KALRN: variants seen among roughly 807,000 people sequenced by gnomAD.
KALRN encodes kalirin.
KALRN carries 70 observed loss-of-function variants against 353.7 expected under a neutral mutation model. That is an observed-to-expected ratio of 0.20 (90% CI 0.16 to 0.24). The LOEUF is 0.24. Ranked by LOEUF, KALRN falls within the 10% of genes least tolerant of loss-of-function variation. The pLI is 1.00. For missense variants in KALRN, 2,791 were observed against 3,756.7 expected, an observed-to-expected ratio of 0.74 and a Z score of 6.72; for synonymous variants, 1,391 against 1,434.8, an observed-to-expected ratio of 0.97 and a Z score of 0.69.
rs1458141208 is a variant in KALRN, at chr3:124,398,726, C to A, written c.2201C>A (p.Pro734His). The A allele has an allele frequency of 1.2e-6, 2 of 1,614,150 alleles. No individual in the cohort carries two copies. The highest frequency in any genetic ancestry group is 2.2e-5 in the South Asian group (2 of 91,086). Residue 734 changes from proline to histidine, a missense_variant, in exon 13 of 60, where the codon CCC becomes CAC. Physicochemically the swap from Pro to His is moderately conservative, Grantham distance 77. Around this residue, in one of 11 missense-constraint regions of KALRN, gnomAD observed 452 missense variants for 575.8 expected, o/e 0.78. Transcript: ENST00000682506. Reference protein sequence around the residue: ...RDSAVSNNKTPHSSSISHIES... With the variant: ...RDSAVSNNKTHHSSSISHIES... ...TCGGCTGTGTCCAACAACAAAACAC[C>A]CCACAGCAGCTCCATCAGCCACATC...
At chr3:124,265,236 T>G (rs564674565) in intron 4 of KALRN, among the ~76,000 whole-genome samples, 4 of 151,864 alleles carry the variant, frequency 2.6e-5, no homozygotes, top group African/African-American at 9.7e-5. Context: ...TATTGAATAC[T>G]AGAACTTATT....
intron 34 of KALRN, among the ~76,000 whole-genome samples, chr3:124,607,274 G>T (rs1267611278): frequency 6.6e-6 from 1 of 151,146 alleles, no homozygotes; most frequent in African/African-American, 2.4e-5. Flanking sequence ...TTGTTAAATG[G>T]GAAAAAATCC....
At chr3:124,301,677 C>A (rs919897415) in intron 6 of KALRN, among the ~76,000 whole-genome samples, 1 of 152,196 alleles carries the variant, frequency 6.6e-6, no homozygotes, top group African/African-American at 2.4e-5. Context: ...GATTCCTTTT[C>A]TCTGGCCTGG....
rs371217349 is a variant in KALRN at position 124,633,591 on chromosome 3, G to A, written c.5467-261G>A. On this transcript the variant is annotated intron_variant, in intron 35 of 59. Coordinates refer to ENST00000682506, the MANE Select transcript of KALRN (RefSeq NM_001388419.1). ...ACTACTTCCAGCTTTTTCTTTTCTT[G>A]CTAATCGATAAGATAGATAGTTTCT... Among the ~76,000 whole-genome samples, 23 of 151,968 alleles carry A rather than the reference G, an allele frequency of 1.5e-4. No individual in the cohort carries two copies. The South Asian group carries it at 4.8e-3, about 32-fold the overall frequency.
At chr3:124,161,198 A>T (rs997773771) in intron 1 of KALRN, among the ~76,000 whole-genome samples, 1 of 152,262 alleles carries the variant, frequency 6.6e-6, no homozygotes, top group African/African-American at 2.4e-5. Context: ...AGTAATGTAC[A>T]TACAGGACAA....
chr3:124,189,063 A>C (rs1410498559), intron 1 of KALRN, among the ~76,000 whole-genome samples: 1 of 152,182 alleles, frequency 6.6e-6, no homozygotes, highest in Non-Finnish European at 1.5e-5. Context: ...AGAGGGAAAC[A>C]ATATCTCTGT....
At chr3:124,315,606 C>A (rs1209212655) in intron 6 of KALRN, among the ~76,000 whole-genome samples, 2 of 152,070 alleles carry the variant, frequency 1.3e-5, no homozygotes, top group Non-Finnish European at 2.9e-5. Context: ...TGTTCCATAA[C>A]CCAGGCTATT....
At chr3:124,533,870 G>A (rs548145622) in intron 33 of KALRN, among the ~76,000 whole-genome samples, 1 of 152,142 alleles carries the variant, frequency 6.6e-6, no homozygotes, top group African/African-American at 2.4e-5. Context: ...GAAAGGGAGG[G>A]AAAGAGTAAC....
At chr3:124,672,241 C>T (rs1485581586) in intron 48 of KALRN, among the ~76,000 whole-genome samples, 5 of 152,200 alleles carry the variant, frequency 3.3e-5, no homozygotes, top group African/African-American at 1.2e-4. Context: ...AGCCACTGCA[C>T]CCGGCCAGGA....
chr3:124,404,245 T>C (rs1257961682), intron 13 of KALRN, among the ~76,000 whole-genome samples: 1 of 152,158 alleles, frequency 6.6e-6, no homozygotes, highest in Non-Finnish European at 1.5e-5. Context: ...CCTCTTTTCC[T>C]TTATCTGAAA....
chr3:124,318,078 C>T (rs1055108743), intron 6 of KALRN, among the ~76,000 whole-genome samples: 3 of 152,186 alleles, frequency 2.0e-5, no homozygotes, highest in Non-Finnish European at 2.9e-5. Context: ...TATGGCCAGG[C>T]GCTTGTTTTC....
intron 6 of KALRN, among the ~76,000 whole-genome samples, chr3:124,301,666 A>G (rs1409260041): frequency 6.6e-6 from 1 of 152,186 alleles, no homozygotes; most frequent in Non-Finnish European, 1.5e-5. Flanking sequence ...AGGGAATTAC[A>G]GATTCCTTTT....
chr3:124,566,101 A>G (rs1465060597), intron 34 of KALRN, among the ~76,000 whole-genome samples: 2 of 152,120 alleles, frequency 1.3e-5, no homozygotes, highest in Non-Finnish European at 1.5e-5. Flanking sequence ...TGTTTCCCCA[A>G]GCTTAGGCCA....
chr3:124,662,892 C>G (rs562193266), intron 45 of KALRN, among the ~76,000 whole-genome samples: 1 of 152,174 alleles, frequency 6.6e-6, no homozygotes, highest in South Asian at 2.1e-4. Context: ...AGATGGCTGT[C>G]TTTATGTTCA....
At chr3:124,043,035 A>T (rs72970955) in intron 1 of KALRN, among the ~76,000 whole-genome samples, 23,827 of 152,114 alleles carry the variant, frequency 0.16, 2,219 homozygotes, top group East Asian at 0.47. Flanking sequence ...ACCAGGAGAG[A>T]GCAATACTTG....
At chr3:124,225,967 C>T (rs2078446802) in intron 1 of KALRN, among the ~76,000 whole-genome samples, 1 of 152,116 alleles carries the variant, frequency 6.6e-6, no homozygotes, top group African/African-American at 2.4e-5. Flanking sequence ...TGAAATTTAA[C>T]TTTTATATTA....
At chr3:124,699,600 T>A (rs2150663629) in intron 55 of KALRN, among the ~76,000 whole-genome samples, 1 of 152,332 alleles carries the variant, frequency 6.6e-6, no homozygotes, top group East Asian at 1.9e-4. Context: ...CTGTATTATC[T>A]ATGTCTTTTT....
intron 51 of KALRN, among the ~76,000 whole-genome samples, chr3:124,685,923 G>C (rs1326921426): frequency 2.0e-5 from 3 of 152,100 alleles, no homozygotes; most frequent in African/African-American, 7.2e-5. Flanking sequence ...AAGAAGCAAA[G>C]ACCATCACCC....
chr3:124,448,952 G>T (rs1384185654), intron 21 of KALRN, among the ~76,000 whole-genome samples: 1 of 152,046 alleles, frequency 6.6e-6, no homozygotes, highest in East Asian at 1.9e-4. Flanking sequence ...TTCTACTTTG[G>T]CTGTCTATGT....
Sources: gnomAD v4.1 joint callset for allele counts (sites outside exome capture counted in the v4.1 genomes callset) on GRCh38, gnomAD v4.1.1 for gene constraint, gnomAD v4.1.1 regional missense constraint, MANE v1.5 for transcripts, NCBI Gene and HGNC (gene_info 2026-07-23, HGNC 2026-07-21) for gene names.